Variants in FRMD6 observed in about 807,000 individuals in gnomAD.
The protein encoded by FRMD6 is FERM domain containing 6.
Under a neutral mutation model 73.2 loss-of-function variants are expected in FRMD6, and 37 were observed. The observed-to-expected ratio is 0.51, with a 90% confidence interval of 0.39 to 0.66. FRMD6 has a LOEUF of 0.66. Among genes scored for constraint, FRMD6 ranks in the 30% least tolerant of loss-of-function variants. FRMD6 has a pLI of 0.00. For synonymous variants in FRMD6, 273 were observed against 282.2 expected, an observed-to-expected ratio of 0.97 and a Z score of 0.33; for missense variants, 714 against 780.5, an observed-to-expected ratio of 0.91 and a Z score of 1.02.
At chr14:51,640,717 T>C (rs1891772385) in intron 2 of FRMD6, among the ~76,000 whole-genome samples, 1 of 152,242 alleles carries the variant, frequency 6.6e-6, no homozygotes. Flanking sequence ...TTAATCCATA[T>C]GAATCTGATT....
chr14:51,508,033 G>A (rs1354818870), intron 1 of FRMD6, among the ~76,000 whole-genome samples: 2 of 152,112 alleles, frequency 1.3e-5, no homozygotes, highest in African/African-American at 2.4e-5. Flanking sequence ...CCCTGCTACT[G>A]AGCGTGCCCA....
At chr14:51,436,781 G>T in the FRMD6 span, 1 of 538,058 alleles carries the variant, frequency 1.9e-6, no homozygotes, top group Non-Finnish European at 3.4e-6. Context: ...AGATGATGAT[G>T]AAGATGAAGA....
the FRMD6 span, among the ~76,000 whole-genome samples, chr14:51,456,317 A>G: frequency 6.6e-6 from 1 of 151,872 alleles, no homozygotes; most frequent in Non-Finnish European, 1.5e-5. Flanking sequence ...TCGCCCCCTG[A>G]CAGGCCCCAG....
chr14:51,678,637 C>T (rs779303432), intron 1 of FRMD6, among the ~76,000 whole-genome samples: 1 of 152,004 alleles, frequency 6.6e-6, no homozygotes, highest in Non-Finnish European at 1.5e-5. Flanking sequence ...TACTGGATAC[C>T]TATACAGAGC....
chr14:51,647,079 T>C (rs1892107272), upstream of FRMD6, among the ~76,000 whole-genome samples: 3 of 152,170 alleles, frequency 2.0e-5, no homozygotes, highest in Non-Finnish European at 4.4e-5. Flanking sequence ...GGAAACAAAG[T>C]AGTTCTTTAA....
chr14:51,599,237 G>C (rs1219469810), intron 2 of FRMD6, among the ~76,000 whole-genome samples: 1 of 151,778 alleles, frequency 6.6e-6, no homozygotes, highest in East Asian at 1.9e-4. Flanking sequence ...AATAAGCAAT[G>C]GGAAAAGGAC....
intron 2 of FRMD6, among the ~76,000 whole-genome samples, chr14:51,609,518 G>A (rs1191309284): frequency 2.0e-5 from 3 of 152,232 alleles, no homozygotes; most frequent in Non-Finnish European, 4.4e-5. Flanking sequence ...AGTCTTAAAG[G>A]ATAAAAGCAA....
chr14:51,531,597 A>G (rs183586784), intron 1 of FRMD6, among the ~76,000 whole-genome samples: 1 of 152,348 alleles, frequency 6.6e-6, no homozygotes, highest in East Asian at 1.9e-4. Context: ...CATACTTCAA[A>G]AGAAAAATGT....
intron 2 of FRMD6, among the ~76,000 whole-genome samples, chr14:51,588,938 C>T (rs555594563): frequency 6.6e-5 from 10 of 152,296 alleles, no homozygotes; most frequent in African/African-American, 2.4e-4. Flanking sequence ...GTGGTGACTG[C>T]ACCATGACCA....
At chr14:51,412,362 T>G in the FRMD6 span, among the ~76,000 whole-genome samples, 36 of 152,340 alleles carry the variant, frequency 2.4e-4, no homozygotes, top group South Asian at 8.3e-4. Flanking sequence ...TTAGAAGATT[T>G]ATTTGCCACA....
chr14:51,719,785 G>T (rs570488940), intron 10 of FRMD6, among the ~76,000 whole-genome samples: 1 of 152,194 alleles, frequency 6.6e-6, no homozygotes, highest in Admixed American at 6.5e-5. Context: ...GACAAGAAGT[G>T]GTCTGTAACT....
chr14:51,599,608 A>G (rs1445866101), intron 2 of FRMD6, among the ~76,000 whole-genome samples: 1 of 152,174 alleles, frequency 6.6e-6, no homozygotes, highest in Non-Finnish European at 1.5e-5. Context: ...CAAAGGTCTA[A>G]TATCTAGAAT....
chr14:51,446,538 G>A, the FRMD6 span, among the ~76,000 whole-genome samples: 17 of 151,858 alleles, frequency 1.1e-4, no homozygotes, highest in Admixed American at 3.9e-4. Context: ...CACGTCCAGA[G>A]AAAGATGAGT....
the FRMD6 span, among the ~76,000 whole-genome samples, chr14:51,414,617 G>T: frequency 6.6e-6 from 1 of 152,164 alleles, no homozygotes; most frequent in African/African-American, 2.4e-5. Flanking sequence ...TTTTGGCTTA[G>T]GATTGTCTTG....
chr14:51,430,601 TAA>T, the FRMD6 span, among the ~76,000 whole-genome samples: 1 of 139,822 alleles, frequency 7.2e-6, no homozygotes, highest in Non-Finnish European at 1.6e-5. Context: ...CAGGGAATCA[TAA>T]AAAAAAAAAC....
intron 1 of FRMD6, among the ~76,000 whole-genome samples, chr14:51,526,742 A>T (rs1885278651): frequency 6.6e-6 from 1 of 152,062 alleles, no homozygotes; most frequent in South Asian, 2.1e-4. Flanking sequence ...CTCTGTTTCC[A>T]CTCACGGACC....
At chr14:51,452,302 T>A in the FRMD6 span, among the ~76,000 whole-genome samples, 1 of 152,148 alleles carries the variant, frequency 6.6e-6, no homozygotes. Context: ...GAGTGGATGG[T>A]GGCTAGAGAG....
chr14:51,579,928 A>T (rs906073295), intron 2 of FRMD6, among the ~76,000 whole-genome samples: 1 of 152,068 alleles, frequency 6.6e-6, no homozygotes, highest in African/African-American at 2.4e-5. Flanking sequence ...ACCAAAAACC[A>T]CTGTTATCTG....
At position 51,581,336 on chromosome 14, in the gene FRMD6, C is replaced by T. The variant is rs934608698; in HGVS notation, c.-147+10926C>T. Among the ~76,000 whole-genome samples the T allele has an allele frequency of 3.3e-5, 5 of 152,182 alleles. No individual in the cohort carries two copies. The East Asian group carries it at 5.8e-4, about 18-fold the overall frequency. Reference sequence around the variant, plus strand: ...ATTCATTCAACAAACATTTCTGGAGCGCTTGAGGTAGATTCAGAAGTGACC... The same window carrying T: ...ATTCATTCAACAAACATTTCTGGAGTGCTTGAGGTAGATTCAGAAGTGACC... On this transcript the variant is annotated intron_variant, in intron 2 of 14. Coordinates refer to the FRMD6 transcript ENST00000356218.
Sources: allele counts gnomAD v4.1 joint callset (sites outside exome capture counted in the v4.1 genomes callset), GRCh38; gene constraint gnomAD v4.1.1; transcripts MANE v1.5; gene names NCBI Gene and HGNC (gene_info 2026-07-23, HGNC 2026-07-21).